The following NBAS variants were observed in gnomAD, a reference collection of about 807,000 sequenced individuals.
NBAS encodes the protein NBAS subunit of NRZ tethering complex, also known as NAG/BC035112 fusion.
A neutral mutation model predicts 302.5 loss-of-function variants in NBAS; 219 were observed. That is an observed-to-expected ratio of 0.72 (90% confidence interval 0.65 to 0.81). The LOEUF is 0.81. Among genes scored for constraint, NBAS ranks in the 30% least tolerant of loss-of-function variants. The pLI is 0.00. For missense variants in NBAS, 2,932 were observed against 2,841.6 expected, an observed-to-expected ratio of 1.03 and a Z score of -0.72; for synonymous variants, 1,118 against 1,021.6, an observed-to-expected ratio of 1.09 and a Z score of -1.80.
At chr2:15,330,942 T>C (rs1479386577) in intron 35 of NBAS, among the ~76,000 whole-genome samples, 177 bp from the exon 36 acceptor site, 3 of 152,170 alleles carry the variant, frequency 2.0e-5, no homozygotes, top group African/African-American at 2.4e-5. Context: ...TATCAACATA[T>C]TGTTCCTCTC....
the NBAS span, among the ~76,000 whole-genome samples, chr2:15,156,309 C>A: frequency 5.9e-5 from 9 of 152,268 alleles, no homozygotes; most frequent in Admixed American, 2.0e-4. Context: ...TCCTATAGGG[C>A]AGGGGGATAG....
the NBAS span, among the ~76,000 whole-genome samples, chr2:14,955,686 C>T: frequency 7.2e-5 from 11 of 152,254 alleles, no homozygotes; most frequent in African/African-American, 2.7e-4. Context: ...CTTGCACCCT[C>T]TGAAGCAATG....
intron 44 of NBAS, among the ~76,000 whole-genome samples, chr2:15,239,873 T>C (rs1343832068): frequency 6.6e-6 from 1 of 152,156 alleles, no homozygotes; most frequent in African/African-American, 2.4e-5. Flanking sequence ...TAAAATACTA[T>C]CCTCAAGAAT....
At chr2:15,484,849 T>C (rs1255069769) in intron 12 of NBAS, among the ~76,000 whole-genome samples, 1 of 152,180 alleles carries the variant, frequency 6.6e-6, no homozygotes, top group Non-Finnish European at 1.5e-5. Context: ...TTCACCATTA[T>C]GTTATTACGT....
chr2:15,446,091 A>G (rs1678725807), intron 21 of NBAS, among the ~76,000 whole-genome samples: 1 of 152,098 alleles, frequency 6.6e-6, no homozygotes, highest in Non-Finnish European at 1.5e-5. Flanking sequence ...CCCAGAAAAA[A>G]AAAAGTGTGT....
intron 6 of NBAS, among the ~76,000 whole-genome samples, chr2:15,541,350 A>G (rs1663808247): frequency 6.6e-6 from 1 of 152,174 alleles, no homozygotes; most frequent in African/African-American, 2.4e-5. Flanking sequence ...AAAAATCTCT[A>G]TTAACAGGGC....
intron 9 of NBAS, among the ~76,000 whole-genome samples, chr2:15,533,668 CGG>C: frequency 7.2e-6 from 1 of 138,660 alleles, no homozygotes; most frequent in South Asian, 2.5e-4. Flanking sequence ...AGGAGGACTT[CGG>C]GGGGTGTGCG....
chr2:15,500,485 A>G (rs1285198877), intron 11 of NBAS, among the ~76,000 whole-genome samples: 1 of 146,118 alleles, frequency 6.8e-6, no homozygotes, highest in Non-Finnish European at 1.5e-5. Flanking sequence ...ATTCTACACC[A>G]TTATATTTTA....
chr2:15,255,362 C>T (rs1025937456), intron 44 of NBAS, among the ~76,000 whole-genome samples: 1 of 152,020 alleles, frequency 6.6e-6, no homozygotes, highest in Non-Finnish European at 1.5e-5. Flanking sequence ...TGGTGTATCT[C>T]CTTTTGAGAA....
chr2:15,242,785 G>A (rs1417468910), intron 44 of NBAS, among the ~76,000 whole-genome samples: 1 of 151,866 alleles, frequency 6.6e-6, no homozygotes, highest in Non-Finnish European at 1.5e-5. Context: ...ATTTTTAACT[G>A]TTCCCTGCAG....
chr2:14,901,288 G>A, the NBAS span, among the ~76,000 whole-genome samples: 1 of 151,958 alleles, frequency 6.6e-6, no homozygotes, highest in Non-Finnish European at 1.5e-5. Flanking sequence ...AACCAGACTG[G>A]GTAAAAATAG....
At chr2:14,955,339 C>G in the NBAS span, among the ~76,000 whole-genome samples, 7 of 152,186 alleles carry the variant, frequency 4.6e-5, no homozygotes, top group Non-Finnish European at 1.0e-4. Context: ...CTTTCATGAG[C>G]CAGAGTTGAG....
chr2:15,472,681 G>C (rs1006921255), intron 16 of NBAS, among the ~76,000 whole-genome samples: 1 of 152,120 alleles, frequency 6.6e-6, no homozygotes, highest in Non-Finnish European at 1.5e-5. Flanking sequence ...GCAACCCAGA[G>C]AACTTCTCTT....
the NBAS span, among the ~76,000 whole-genome samples, chr2:15,029,556 A>G: frequency 6.6e-6 from 1 of 152,236 alleles, no homozygotes; most frequent in African/African-American, 2.4e-5. Flanking sequence ...GAAGAAACCC[A>G]TTACGGGGCC....
At chr2:14,968,803 C>T in the NBAS span, among the ~76,000 whole-genome samples, 1 of 152,166 alleles carries the variant, frequency 6.6e-6, no homozygotes, top group African/African-American at 2.4e-5. Context: ...AAATTACTTA[C>T]ATGTAGAGTT....
chr2:15,496,946 A>G (rs916689575), intron 11 of NBAS, among the ~76,000 whole-genome samples: 3 of 152,352 alleles, frequency 2.0e-5, no homozygotes, highest in African/African-American at 2.4e-5. Flanking sequence ...TTGAAGGACT[A>G]TAAGAGGAGT....
rs767399409 is a variant in NBAS at position 15,309,737 on chromosome 2, C to T, written c.4583-490G>A. Among the ~76,000 whole-genome samples, 36 of 152,188 alleles carry T rather than the reference C, an allele frequency of 2.4e-4. 1 individual carries two copies. Among genetic ancestry groups the T allele is most frequent in the Non-Finnish European group, 4.1e-4 (28 of 68,034 alleles). On this transcript the variant is annotated intron_variant, in intron 38 of 51. Transcript: ENST00000281513. Reference sequence around the variant, plus strand: ...CTTCCAATAACACCCCTCCTCATCACGCTCCACAAAAAGAAAATCAGTCTT... The same window carrying T: ...CTTCCAATAACACCCCTCCTCATCATGCTCCACAAAAAGAAAATCAGTCTT...
At chr2:15,179,181 C>T in intron 50 of NBAS, 65 bp from the exon 51 acceptor site, 1 of 1,611,218 alleles carries the variant, frequency 6.2e-7, no homozygotes. Context: ...ACGGTTCTGG[C>T]TGGATCATTC....
the NBAS span, among the ~76,000 whole-genome samples, chr2:15,054,024 C>G: frequency 6.6e-6 from 1 of 151,934 alleles, no homozygotes; most frequent in Non-Finnish European, 1.5e-5. Flanking sequence ...TTTCCAAAAC[C>G]AATCGAGATC....
Sources: allele counts gnomAD v4.1 joint callset (sites outside exome capture counted in the v4.1 genomes callset), GRCh38; gene constraint gnomAD v4.1.1; transcripts MANE v1.5; gene names NCBI Gene and HGNC (gene_info 2026-07-23, HGNC 2026-07-21).